RALGAPA2: variants seen among roughly 807,000 people sequenced by gnomAD.
The protein encoded by RALGAPA2 is ral GTPase-activating protein subunit alpha-2.
Under a neutral mutation model 230.4 loss-of-function variants are expected in RALGAPA2, and 139 were observed. That is an observed-to-expected ratio of 0.60 (90% confidence interval 0.53 to 0.69). RALGAPA2 has a LOEUF of 0.69. RALGAPA2 is among the 30% of genes least tolerant of loss of function. The probability of loss-of-function intolerance (pLI) is 0.00; values close to 1 mark genes in which losing one functional copy is unlikely to be tolerated. For missense variants in RALGAPA2, 2,163 were observed against 2,276.0 expected (o/e 0.95, Z 1.01); for synonymous variants, 847 against 837.8 (o/e 1.01, Z -0.19).
At chr20:20,675,517 A>G (rs2068288492) in intron 3 of RALGAPA2, among the ~76,000 whole-genome samples, 1 of 152,114 alleles carries the variant, frequency 6.6e-6, no homozygotes, top group African/African-American at 2.4e-5. Flanking sequence ...TCAAACCACA[A>G]ATAATTTCTA....
chr20:20,402,867 C>T (rs1254536472), intron 38 of RALGAPA2, among the ~76,000 whole-genome samples: 2 of 152,188 alleles, frequency 1.3e-5, no homozygotes, highest in Non-Finnish European at 2.9e-5. Flanking sequence ...GAGCCAAGGT[C>T]TTGCCCTCTG....
At chr20:20,660,908 T>C (rs889720964) in intron 3 of RALGAPA2, among the ~76,000 whole-genome samples, 6 of 152,178 alleles carry the variant, frequency 3.9e-5, no homozygotes, top group African/African-American at 1.4e-4. Context: ...CTGTGTGCTG[T>C]ACAGTTGATC....
chr20:20,645,450 G>A (rs2067182392), intron 4 of RALGAPA2, among the ~76,000 whole-genome samples: 2 of 151,884 alleles, frequency 1.3e-5, no homozygotes, highest in Admixed American at 6.6e-5. Context: ...ACTACCTATA[G>A]ATGCCTATAA....
chr20:20,497,088 A>G (rs902728172), intron 35 of RALGAPA2, among the ~76,000 whole-genome samples: 11 of 152,330 alleles, frequency 7.2e-5, no homozygotes, highest in South Asian at 2.1e-4. Context: ...ATAAAAGTAA[A>G]AGAATAGCAG....
rs397797894 is a variant in RALGAPA2, at chr20:20,396,782, C to CA, written c.5618-49dup. 8.7e-4 allele frequency: 1,300 copies of CA among 1,488,016 alleles called. 3 individuals are homozygous for CA. Among genetic ancestry groups the CA allele is most frequent in the Admixed American group, 1.2e-3 (73 of 59,464 alleles). 92.2% of individuals were successfully genotyped at this position (1,488,016 alleles called of 1,614,324 possible). A position where few individuals can be genotyped will look rare whatever the true frequency, so the allele number is the denominator to read the frequency against. ...GGAATGAATACAAACACAACACCCC[C>CA]ACAGCTCCAACTTGATAACTAACAC... On this transcript the variant is annotated intron_variant, in intron 38 of 39. Coordinates refer to ENST00000202677, the MANE Select transcript of RALGAPA2 (RefSeq NM_020343.4).
At position 20,643,500 on chromosome 20, in the gene RALGAPA2, A is replaced by G. The variant is rs1223515381; in HGVS notation, c.372+6T>C. 5.4e-6 allele frequency: 8 copies of G among 1,470,280 alleles called. No homozygotes were observed. In the South Asian group the frequency reaches 8.9e-5, roughly 16 times the overall value. The allele number at this position is 1,470,280 out of a possible 1,614,324, so 91.1% of individuals were successfully genotyped here. On this transcript the variant is annotated splice_donor_region_variant and intron_variant, in intron 5 of 39. Coordinates refer to ENST00000202677, the MANE Select transcript of RALGAPA2 (RefSeq NM_020343.4). ...AAAAAATGTCATTACACAATAAAAT[A>G]AATACCTTAATAGAATTTCCAGTGT... is the stretch of plus-strand genomic sequence containing the variant.
At chr20:20,416,627 T>C (rs967485687) in intron 37 of RALGAPA2, among the ~76,000 whole-genome samples, 6 of 152,234 alleles carry the variant, frequency 3.9e-5, no homozygotes, top group African/African-American at 1.4e-4. Context: ...TGAGTGCGTA[T>C]GTGTAAGCTG....
At chr20:20,435,241 C>A (rs1408651262) in intron 37 of RALGAPA2, among the ~76,000 whole-genome samples, 1 of 152,188 alleles carries the variant, frequency 6.6e-6, no homozygotes, top group Non-Finnish European at 1.5e-5. Context: ...AGAAAATGGT[C>A]ATGGGAGGCA....
chr20:20,408,084 C>A (rs576775103), intron 38 of RALGAPA2, among the ~76,000 whole-genome samples: 1 of 152,238 alleles, frequency 6.6e-6, no homozygotes, highest in East Asian at 1.9e-4. Context: ...AAGACCTGTG[C>A]TCCCTCTGCT....
intron 37 of RALGAPA2, among the ~76,000 whole-genome samples, chr20:20,432,379 C>T (rs2060519818): frequency 6.6e-6 from 1 of 152,300 alleles, no homozygotes; most frequent in African/African-American, 2.4e-5. Context: ...GGAGAGTGAC[C>T]AAGCAGTGGC....
chr20:20,605,329 G>A lies in RALGAPA2; in HGVS notation c.1884C>T (p.Ser628=), dbSNP rs1001315176. 1 of 1,613,738 alleles carries A rather than the reference G, an allele frequency of 6.2e-7. No individual in the cohort carries two copies. Among genetic ancestry groups the A allele is most frequent in the East Asian group, 2.2e-5 (1 of 44,842 alleles). The change falls in exon 15 of 40, where the codon TCC becomes TCT. Residue 628 remains serine (S), a synonymous_variant. Transcript: ENST00000202677. ...ELWDDFLGVL[S]SLTEWEELIN... is the part of the protein sequence containing the mutation. ...TAAGTTCCTCCCATTCCGTGAGGGA[G>A]GACAGCACACCAAGAAAGTCATCCC...
intron 37 of RALGAPA2, among the ~76,000 whole-genome samples, chr20:20,428,839 TTC>T (rs2060444729): frequency 6.8e-6 from 1 of 147,860 alleles, no homozygotes; most frequent in Admixed American, 6.8e-5. Flanking sequence ...ATATCCATTA[TTC>T]TCTCCTCAGA....
intron 1 of RALGAPA2, among the ~76,000 whole-genome samples, chr20:20,708,650 T>C (rs2069708137): frequency 6.6e-6 from 1 of 152,202 alleles, no homozygotes; most frequent in East Asian, 1.9e-4. Flanking sequence ...CTCAGGTATG[T>C]CTTTATTAGC....
chr20:20,414,776 T>C (rs930346393), intron 37 of RALGAPA2, among the ~76,000 whole-genome samples: 4 of 152,202 alleles, frequency 2.6e-5, no homozygotes, highest in Non-Finnish European at 5.9e-5. Context: ...AGCAAGTGTT[T>C]CCTTCATAGA....
At chr20:20,607,942 T>C in intron 14 of RALGAPA2, among the ~76,000 whole-genome samples, 1 of 152,192 alleles carries the variant, frequency 6.6e-6, no homozygotes, top group Non-Finnish European at 1.5e-5. Flanking sequence ...TGGTGAGTGG[T>C]GGCACCTGTG....
At chr20:20,461,640 T>C (rs1229775117) in intron 37 of RALGAPA2, among the ~76,000 whole-genome samples, 2 of 152,236 alleles carry the variant, frequency 1.3e-5, no homozygotes, top group Non-Finnish European at 2.9e-5. Flanking sequence ...TGTTTTATTA[T>C]TCTTAGAACA....
At position 20,639,962 on chromosome 20, in the gene RALGAPA2, G is replaced by T. The variant is rs996250970; in HGVS notation, c.551-62C>A. On this transcript the variant is annotated intron_variant, in intron 6 of 39. Coordinates refer to ENST00000202677, the MANE Select transcript of RALGAPA2 (RefSeq NM_020343.4). ...AAGTTAAATTTTAAACAGAATTTAG[G>T]GTTTTAAAAATGGTCTCTATTAAAA... 3.2e-5 allele frequency: 42 copies of T among 1,307,244 alleles called. No homozygotes were observed. The African/African-American group carries it at 5.9e-4, about 18-fold the overall frequency. 81.0% of individuals were successfully genotyped at this position (1,307,244 alleles called of 1,614,324 possible). A position where few individuals can be genotyped will look rare whatever the true frequency, so the allele number is the denominator to read the frequency against.
chr20:20,567,857 T>TAATAAAATAAAATAA (rs10525989), intron 23 of RALGAPA2, among the ~76,000 whole-genome samples: 21 of 125,492 alleles, frequency 1.7e-4, no homozygotes, highest in Admixed American at 4.1e-4. Flanking sequence ...AAAAAAGCAA[T>TAATAAAATAAAATAA]AATAAAATAA....
chr20:20,614,885 G>T (rs939797409), intron 13 of RALGAPA2, among the ~76,000 whole-genome samples: 1 of 152,180 alleles, frequency 6.6e-6, no homozygotes. Flanking sequence ...GGTAGGAAAG[G>T]TGCCACTGGT....
Sources: allele counts gnomAD v4.1 joint callset (sites outside exome capture counted in the v4.1 genomes callset), GRCh38; gene constraint gnomAD v4.1.1; transcripts MANE v1.5; gene names NCBI Gene and HGNC (gene_info 2026-07-23, HGNC 2026-07-21).